TLN1: variants seen among roughly 807,000 people sequenced by gnomAD.
The protein encoded by TLN1 is talin-1.
Under a neutral mutation model 292.3 loss-of-function variants are expected in TLN1, and 56 were observed. That is an observed-to-expected ratio of 0.19 (90% CI 0.15 to 0.24). TLN1 has a LOEUF of 0.24. TLN1 is among the 10% of genes least tolerant of loss of function. The probability of loss-of-function intolerance (pLI) is 1.00; values close to 1 mark genes in which losing one functional copy is unlikely to be tolerated. For missense variants in TLN1, 2,433 were observed against 3,248.2 expected (o/e 0.75, Z 6.10); for synonymous variants, 1,119 against 1,253.7 (o/e 0.89, Z 2.27).
intron 33 of TLN1, 102 bp downstream of exon 33, chr9:35,710,459 G>A (rs1175001649): frequency 9.4e-6 from 14 of 1,495,266 alleles, no homozygotes; most frequent in East Asian, 2.3e-5. Context: ...AGTTGGCTTT[G>A]CAAACATAAA....
chr9:35,725,388 G>T (rs1825955521), intron 2 of TLN1, 67 bp from the exon 3 acceptor site: 1 of 1,561,510 alleles, frequency 6.4e-7, no homozygotes, highest in Non-Finnish European at 8.8e-7. Context: ...CTTGTACCAT[G>T]TTGCCCCTGA....
At position 35,705,912 on chromosome 9, in the gene TLN1, G is replaced by A. The variant is rs544896237; in HGVS notation, c.5511+50C>T. On this transcript the variant is annotated intron_variant, in intron 41 of 56. Transcript: ENST00000314888. ...AGGGTCTCTGCCACTGTGCTTGGAG[G>A]CTCTGGCCCAGGGTAGCCTCAGTGT... The A allele has an allele frequency of 7.4e-6, 12 of 1,614,084 alleles. No individual in the cohort carries two copies. The East Asian group carries it at 2.5e-4, about 33-fold the overall frequency.
In TLN1 at chr9:35,719,274, C is replaced by T; in HGVS notation, c.1696G>A (p.Ala566Thr). The T allele has an allele frequency of 6.2e-7, 1 of 1,613,050 alleles. No individual in the cohort carries two copies. The highest frequency in any genetic ancestry group is 8.5e-7 in the Non-Finnish European group (1 of 1,179,252). Reference sequence around the variant, plus strand: ...CCCACTGCGGTATAGTCTGTCTCAGCAGGGTCCCCTAAGGGGAAAAGGAGA... The same window carrying T: ...CCCACTGCGGTATAGTCTGTCTCAGTAGGGTCCCCTAAGGGGAAAAGGAGA... The part of the protein sequence containing the change: ...SVVNLTAGDP[A>T]ETDYTAVGCA... The change falls in exon 16 of 57, where the codon GCT becomes ACT. Residue 566 changes from alanine to threonine, a missense_variant. Around this residue, in one of 7 missense-constraint regions of TLN1, gnomAD observed 617 missense variants for 770.6 expected, o/e 0.80. Coordinates refer to ENST00000314888, the MANE Select transcript of TLN1 (RefSeq NM_006289.4). The surrounding 1 kb of genome is among the most constrained non-coding windows in gnomAD (Gnocchi z 4.6).
rs1382504271 is a variant in TLN1 at position 35,706,658 on chromosome 9, C to T, written c.5089-107G>A. 1.9e-6 allele frequency: 3 copies of T among 1,581,484 alleles called. No homozygotes were observed. Among genetic ancestry groups the T allele is most frequent in the African/African-American group, 1.3e-5 (1 of 74,348 alleles). On this transcript the variant is annotated intron_variant, in intron 38 of 56. Coordinates refer to ENST00000314888, the MANE Select transcript of TLN1 (RefSeq NM_006289.4). This position sits in a 1 kb window ranked among gnomAD's most constrained non-coding sequence, Gnocchi z 4.2. ...CCAAATACCCTAACCCTCCTTCGCACATCCCAGCCTTTGATGTCCCTAAGA... is the reference window on the plus strand; with the variant it reads ...CCAAATACCCTAACCCTCCTTCGCATATCCCAGCCTTTGATGTCCCTAAGA...
Position 35,718,918 on chromosome 9 carries a change from G to A in TLN1, c.1897-8C>T. On this transcript the variant is annotated splice_polypyrimidine_tract_variant and splice_region_variant and intron_variant, in intron 16 of 56. Coordinates refer to ENST00000314888, the MANE Select transcript of TLN1 (RefSeq NM_006289.4). ...CAGCAGGTTCTGACGGGGCTGTGGA[G>A]AGTGAACACCAGTCAGAAGCTGCCC... 2 of 1,610,968 alleles carry A rather than the reference G, an allele frequency of 1.2e-6. No homozygotes were observed. The highest frequency in any genetic ancestry group is 1.3e-5 in the African/African-American group (1 of 74,904).
At chr9:35,703,031 T>G (rs1825493689) in intron 48 of TLN1, among the ~76,000 whole-genome samples, 1 of 152,000 alleles carries the variant, frequency 6.6e-6, no homozygotes, top group Admixed American at 6.6e-5. Context: ...ACTGGCACAG[T>G]GGCTCATGAG....
In TLN1 at chr9:35,706,319, C is replaced by G. The variant is rs749295463; in HGVS notation, c.5238G>C (p.Val1746=). Residue 1746 remains valine, a synonymous_variant, in exon 40 of 57, where the codon GTG becomes GTC. Coordinates refer to ENST00000314888, the MANE Select transcript of TLN1 (RefSeq NM_006289.4). The surrounding 1 kb of genome is among the most constrained non-coding windows in gnomAD (Gnocchi z 4.2). ...QYFEPLTLAA[V]GAASKTLSHP... ...GGCTCAGGGTCTTGGAGGCAGCACC[C>G]ACTGCAGCCAGGGTGAGCGGCTCAA... 1.2e-5 allele frequency: 20 copies of G among 1,613,158 alleles called. No homozygotes were observed. The East Asian group carries it at 4.5e-4, about 36-fold the overall frequency.
In TLN1 at chr9:35,714,929, A is replaced by G; in HGVS notation, c.2755-53T>C. The G allele has an allele frequency of 6.2e-7, 1 of 1,605,918 alleles. No individual in the cohort carries two copies. Among genetic ancestry groups the G allele is most frequent in the African/African-American group, 1.3e-5 (1 of 74,948 alleles). ...GCCCATGGATTCCCATGCCCAGCCC[A>G]GTCCCTGGCCTACCTTGCCCAGGTT... On this transcript the variant is annotated intron_variant, in intron 21 of 56. Coordinates refer to ENST00000314888, the MANE Select transcript of TLN1 (RefSeq NM_006289.4). The surrounding 1 kb of genome is among the most constrained non-coding windows in gnomAD (Gnocchi z 4.6).
rs1247278822 is a variant in TLN1, at chr9:35,717,322, C to A, written c.2282G>T (p.Gly761Val). 3.7e-6 allele frequency: 6 copies of A among 1,614,166 alleles called. No homozygotes were observed. The highest frequency in any genetic ancestry group is 1.6e-4 in the Middle Eastern group (1 of 6,062). The change falls in exon 19 of 57, where the codon GGG becomes GTG. Residue 761 changes from glycine to valine, a missense_variant. Gly to Val is a moderately radical substitution (Grantham distance 109). Coordinates refer to ENST00000314888, the MANE Select transcript of TLN1 (RefSeq NM_006289.4). The surrounding 1 kb of genome is among the most constrained non-coding windows in gnomAD (Gnocchi z 4.7). ...VSASQAATED[G>V]QLLRGVGAAA... ...TGCTCCTACCCCTCGCAACAGTTGCCCATCCTCTGTAGCTGCCTGGGAGGC... is the reference window on the plus strand; with the variant it reads ...TGCTCCTACCCCTCGCAACAGTTGCACATCCTCTGTAGCTGCCTGGGAGGC...
In TLN1 at chr9:35,717,166, A is replaced by C. The variant is rs1825801387; in HGVS notation, c.2438T>G (p.Phe813Cys). ...CTTACCAGCATCACCCATGGAGCTA[A>C]AGATGTTCTCAGTGACGGTTAGGAT... ...DTILTVTENI[F>C]SSMGDAGEMV... Residue 813 changes from phenylalanine to cysteine, a missense_variant, in exon 19 of 57, where the codon TTT becomes TGT. Coordinates refer to ENST00000314888, the MANE Select transcript of TLN1 (RefSeq NM_006289.4). The surrounding 1 kb of genome is among the most constrained non-coding windows in gnomAD (Gnocchi z 4.7). 1 of 1,604,658 alleles carries C rather than the reference A, an allele frequency of 6.2e-7. No homozygotes were observed. Among genetic ancestry groups the C allele is most frequent in the Non-Finnish European group, 8.5e-7 (1 of 1,172,084 alleles).
Position 35,719,463 on chromosome 9 carries a change from T to G in TLN1, c.1687+56A>C, listed in dbSNP as rs1825843777. 1 of 1,499,184 alleles carries G rather than the reference T, an allele frequency of 6.7e-7. No homozygotes were observed. 92.9% of individuals were successfully genotyped at this position (1,499,184 alleles called of 1,614,324 possible). On this transcript the variant is annotated intron_variant, in intron 15 of 56. Transcript: ENST00000314888. This position sits in a 1 kb window ranked among gnomAD's most constrained non-coding sequence, Gnocchi z 4.6. The stretch of plus-strand genomic sequence containing the variant: ...ATGAAGCCAGTCACATGCATGCCTG[T>G]GCACACTTGCACCCCCTCTCCCCAT...
In TLN1 at chr9:35,699,001, G is replaced by A. The variant is rs1825417367; in HGVS notation, c.6999+31C>T. 1.9e-6 allele frequency: 3 copies of A among 1,608,250 alleles called. No homozygotes were observed. Among genetic ancestry groups the A allele is most frequent in the Non-Finnish European group, 1.7e-6 (2 of 1,175,112 alleles). On this transcript the variant is annotated intron_variant, in intron 52 of 56. Transcript: ENST00000314888. This position sits in a 1 kb window ranked among gnomAD's most constrained non-coding sequence, Gnocchi z 4.0. ...ATGAAGGTGGGGACACTGCCATGGT[G>A]AGGGTGGAAGAGGAAGGGAGCAGGA...
intron 8 of TLN1, 129 bp from the exon 9 acceptor site, chr9:35,722,352 G>T: frequency 2.5e-6 from 2 of 784,838 alleles, no homozygotes; most frequent in South Asian, 3.0e-5. Context: ...CAAGATATGA[G>T]AACGAGAGGG....
intron 1 of TLN1, among the ~76,000 whole-genome samples, chr9:35,729,577 G>C (rs1399139417): frequency 6.6e-6 from 1 of 152,204 alleles, no homozygotes; most frequent in East Asian, 1.9e-4. Flanking sequence ...AGTTACCTTG[G>C]AGATTAGTTA....
Position 35,712,061 on chromosome 9 carries a change from C to T in TLN1, c.3625G>A (p.Val1209Met). Residue 1209 changes from valine (V) to methionine (M), a missense_variant, in exon 28 of 57, where the codon GTG (valine) becomes ATG (methionine). By Grantham distance (21) the Val-to-Met change is conservative. This residue lies in a region of TLN1 where 1,384 missense variants were observed against 1,699.6 expected (regional missense o/e 0.81). Coordinates refer to ENST00000314888, the MANE Select transcript of TLN1 (RefSeq NM_006289.4). Reference protein sequence around the residue: ...CVSCLPGQRDVDNALRAVGDA... With the variant: ...CVSCLPGQRDMDNALRAVGDA... ...CCAACTGCCCTCAGGGCATTATCCA[C>T]ATCGCGCTGGCCAGGTAGGCAGCTG... is the stretch of plus-strand genomic sequence containing the variant. 1 of 1,614,160 alleles carries T rather than the reference C, an allele frequency of 6.2e-7. No homozygotes were observed.
In TLN1 at chr9:35,719,592, T is replaced by A. The variant is rs1435684203; in HGVS notation, c.1614A>T (p.Glu538Asp). ...SKAWRKNKMD[E>D]SKHEIHSQVD... ...CCTGAGAGTGGATCTCATGCTTTGA[T>A]TCATCCATCTTGTTTTTACGCCAGG... Residue 538 changes from glutamate (E) to aspartate (D), a missense_variant, in exon 15 of 57, where the codon GAA (glutamate) becomes GAT (aspartate). Glu to Asp is a conservative substitution (Grantham distance 45, BLOSUM62 2). Around this residue, in one of 7 missense-constraint regions of TLN1, gnomAD observed 617 missense variants for 770.6 expected, o/e 0.80. Coordinates refer to ENST00000314888, the MANE Select transcript of TLN1 (RefSeq NM_006289.4). This position sits in a 1 kb window ranked among gnomAD's most constrained non-coding sequence, Gnocchi z 4.6. 8 of 1,614,188 alleles carry A rather than the reference T, an allele frequency of 5.0e-6. No individual in the cohort carries two copies. The highest frequency in any genetic ancestry group is 6.8e-6 in the Non-Finnish European group (8 of 1,180,038).
rs555336029 is a variant in TLN1, at chr9:35,709,626, C to T, written c.4326+935G>A. Among the ~76,000 whole-genome samples, 74 of 152,232 alleles carry T rather than the reference C, an allele frequency of 4.9e-4. 1 individual carries two copies. The highest frequency in any genetic ancestry group is 4.4e-3 in the South Asian group (21 of 4,820). On this transcript the variant is annotated intron_variant, in intron 33 of 56. Coordinates refer to ENST00000314888, the MANE Select transcript of TLN1 (RefSeq NM_006289.4). ...GTGATTGGCCGGGCGCGGTGGCTCA[C>T]GCCTGTAATCCCAGCACTTTGGGAG...
rs115553643 is a variant in TLN1 at position 35,697,932 on chromosome 9, G to A, written c.7501-16C>T. 27 of 1,613,772 alleles carry A rather than the reference G, an allele frequency of 1.7e-5. No homozygotes were observed. Among genetic ancestry groups the A allele is most frequent in the African/African-American group, 1.1e-4 (8 of 74,826 alleles). ...CTGCGATGATCTGAGGGTGGAGATC[G>A]GGGACTTAGTTCAGTGAGGATGCAC... On this transcript the variant is annotated splice_polypyrimidine_tract_variant and intron_variant, in intron 56 of 56. Coordinates refer to ENST00000314888, the MANE Select transcript of TLN1 (RefSeq NM_006289.4).
intron 25 of TLN1, 39 bp downstream of exon 25, chr9:35,713,912 CTT>C (rs1825726931): frequency 1.9e-6 from 3 of 1,612,122 alleles, no homozygotes; most frequent in South Asian, 1.1e-5. Context: ...TGAAGGAAGA[CTT>C]TAGGATTTGA....
Sources: allele counts gnomAD v4.1 joint callset (sites outside exome capture counted in the v4.1 genomes callset), GRCh38; gene constraint gnomAD v4.1.1; regional missense constraint gnomAD v4.1.1; non-coding constraint Gnocchi (gnomAD v3.1); transcripts MANE v1.5; gene names NCBI Gene and HGNC (gene_info 2026-07-23, HGNC 2026-07-21).